KCTD1: variants seen among roughly 807,000 people sequenced by gnomAD.
KCTD1 encodes BTB/POZ domain-containing protein KCTD1.
In KCTD1, 24 loss-of-function variants were observed where a neutral mutation model predicts 66.0. The ratio of observed to expected loss-of-function variants is 0.36; its 90% CI spans 0.26 to 0.51. The LOEUF (loss-of-function observed/expected upper bound fraction) is 0.51. Ranked by LOEUF, KCTD1 falls within the 20% of genes least tolerant of loss-of-function variation. The pLI is 0.95. For missense variants in KCTD1, 943 were observed against 1,205.2 expected (o/e 0.78, Z 3.22); for synonymous variants, 511 against 517.2 (o/e 0.99, Z 0.16).
intron 1 of KCTD1, among the ~76,000 whole-genome samples, chr18:26,616,276 C>T (rs971808277): frequency 4.6e-5 from 7 of 151,404 alleles, no homozygotes; most frequent in African/African-American, 1.7e-4. Context: ...ATGCTTTAAT[C>T]CCCATCCTCT....
At chr18:26,509,471 T>C (rs543098) in intron 1 of KCTD1, among the ~76,000 whole-genome samples, 1 of 152,164 alleles carries the variant, frequency 6.6e-6, no homozygotes, top group Non-Finnish European at 1.5e-5. Context: ...ATCTATACAA[T>C]GCTCAAATCA....
intron 1 of KCTD1, among the ~76,000 whole-genome samples, chr18:26,579,647 A>T (rs1329732379): frequency 3.9e-5 from 6 of 152,224 alleles, no homozygotes; most frequent in Admixed American, 3.3e-4. Flanking sequence ...TGCAAAACAC[A>T]AAAGTTATTT....
intron 3 of KCTD1, among the ~76,000 whole-genome samples, chr18:26,467,523 A>T (rs1320090335): frequency 6.6e-6 from 1 of 151,806 alleles, no homozygotes; most frequent in Non-Finnish European, 1.5e-5. Flanking sequence ...GTCTCAAAAA[A>T]AATTTTTTAA....
chr18:26,652,287 T>C (rs1214452834), intron 1 of KCTD1, among the ~76,000 whole-genome samples: 3 of 152,226 alleles, frequency 2.0e-5, no homozygotes, highest in Admixed American at 2.0e-4. Context: ...GCCAAAATGA[T>C]GGTTGTTTTT....
rs1340844848 is a variant in KCTD1, at chr18:26,599,811, C to A, written c.-16+29336G>T. On this transcript the variant is annotated intron_variant, in intron 1 of 4. Transcript: ENST00000317932. The stretch of plus-strand genomic sequence containing the variant: ...AAGAGCTGCAGCGGGAGCCCCTAAC[C>A]CCTGAGGAAATACAGTCTGTTCGAG... The A allele has an allele frequency of 2.7e-5, 42 of 1,561,180 alleles. No individual in the cohort carries two copies. In the East Asian group the frequency reaches 9.2e-4, roughly 34 times the overall value.
chr18:26,501,448 T>G (rs1281261395), intron 1 of KCTD1, among the ~76,000 whole-genome samples, 198 bp from the exon 2 acceptor site: 1 of 152,192 alleles, frequency 6.6e-6, no homozygotes, highest in Non-Finnish European at 1.5e-5. Flanking sequence ...AATCTTCACA[T>G]GCTCAGAAAT....
chr18:26,467,583 A>C (rs1980812270), intron 3 of KCTD1, among the ~76,000 whole-genome samples: 1 of 151,982 alleles, frequency 6.6e-6, no homozygotes, highest in African/African-American at 2.4e-5. Flanking sequence ...TGGGAGGCCG[A>C]GGTGGGTGGA....
At chr18:26,655,499 G>T (rs1988113825) in intron 1 of KCTD1, among the ~76,000 whole-genome samples, 1 of 152,070 alleles carries the variant, frequency 6.6e-6, no homozygotes, top group Admixed American at 6.5e-5. Context: ...TTGCTTGAAA[G>T]CAGCCAGTTC....
chr18:26,512,406 T>G (rs945989352), intron 1 of KCTD1, among the ~76,000 whole-genome samples: 1 of 151,830 alleles, frequency 6.6e-6, no homozygotes, highest in Non-Finnish European at 1.5e-5. Context: ...CCTGGCCTCC[T>G]CTGAGATTCT....
intron 1 of KCTD1, among the ~76,000 whole-genome samples, chr18:26,624,831 C>A (rs977175965): frequency 2.6e-5 from 4 of 152,306 alleles, no homozygotes; most frequent in Admixed American, 2.0e-4. Flanking sequence ...GGAAAAGCCA[C>A]AGACATTCAA....
chr18:26,555,965 ATT>A (rs1229745279), intron 1 of KCTD1, among the ~76,000 whole-genome samples: 1 of 152,176 alleles, frequency 6.6e-6, no homozygotes, highest in African/African-American at 2.4e-5. Flanking sequence ...TATTGGGGCA[ATT>A]CACAGGATGT....
chr18:26,567,302 T>A (rs1348734480), intron 1 of KCTD1, among the ~76,000 whole-genome samples: 1 of 152,166 alleles, frequency 6.6e-6, no homozygotes, highest in Admixed American at 6.5e-5. Context: ...GGTGCTGAAA[T>A]CAGAAGGTTA....
chr18:26,462,295 G>T (rs1460219630), intron 3 of KCTD1, among the ~76,000 whole-genome samples: 1 of 152,236 alleles, frequency 6.6e-6, no homozygotes, highest in Non-Finnish European at 1.5e-5. Flanking sequence ...TAAAGTGAGA[G>T]TCAGAAGCGC....
upstream of KCTD1, chr18:26,549,480 G>C: frequency 1.0e-6 from 1 of 980,106 alleles, no homozygotes; most frequent in Non-Finnish European, 1.2e-6. Flanking sequence ...GGAGGGGCCG[G>C]TGGGAGGGGA....
intron 1 of KCTD1, chr18:26,575,293 C>T (rs1362125291): frequency 6.6e-6 from 1 of 152,186 alleles, no homozygotes; most frequent in African/African-American, 2.4e-5. Context: ...ATCGCCGAGT[C>T]GTGGCAACTC....
intron 3 of KCTD1, among the ~76,000 whole-genome samples, chr18:26,470,123 C>G (rs1314274743): frequency 6.6e-6 from 1 of 152,196 alleles, no homozygotes; most frequent in East Asian, 1.9e-4. Flanking sequence ...TTTACCCATC[C>G]ATGCGTTCAT....
In KCTD1 at chr18:26,517,586, G is replaced by A. The variant is rs186789833; in HGVS notation, c.1810-16336C>T. Among the ~76,000 whole-genome samples, 167 of 151,464 alleles carry A rather than the reference G, an allele frequency of 1.1e-3. 3 individuals are homozygous for A. Among genetic ancestry groups the A allele is most frequent in the African/African-American group, 3.7e-3 (151 of 41,182 alleles). ...GCAGGAGAACTGCTTGAACCCAGGAGGCGGAGGTTGCAGTGAGCTGAGATC... is the reference window on the plus strand; with the variant it reads ...GCAGGAGAACTGCTTGAACCCAGGAAGCGGAGGTTGCAGTGAGCTGAGATC... On this transcript the variant is annotated intron_variant, in intron 1 of 4. Coordinates refer to ENST00000580059, the MANE Select transcript of KCTD1 (RefSeq NM_001142730.3).
chr18:26,649,428 C>T (rs755316422), intron 1 of KCTD1, among the ~76,000 whole-genome samples: 6 of 152,144 alleles, frequency 3.9e-5, no homozygotes, highest in African/African-American at 7.2e-5. Flanking sequence ...AAGAAACAGA[C>T]GGCTCGGAGG....
upstream of KCTD1, among the ~76,000 whole-genome samples, chr18:26,550,031 TAACTTTCACCTTCTCCCGCA>T: frequency 6.6e-6 from 1 of 151,798 alleles, no homozygotes; most frequent in Non-Finnish European, 1.5e-5. This position sits in a 1 kb window ranked among gnomAD's most constrained non-coding sequence, Gnocchi z 5.4. Flanking sequence ...TGCTGCATCC[TAACTTTCACCTTCTCCCGCA>T]GCCCGTGTGT....
Sources: gnomAD v4.1 joint callset for allele counts (sites outside exome capture counted in the v4.1 genomes callset) on GRCh38, gnomAD v4.1.1 for gene constraint, Gnocchi (gnomAD v3.1) non-coding constraint, MANE v1.5 for transcripts, NCBI Gene and HGNC (gene_info 2026-07-23, HGNC 2026-07-21) for gene names.